TBL1X: variants seen among roughly 807,000 people sequenced by gnomAD.
TBL1X encodes F-box-like/WD repeat-containing protein TBL1X.
Under a neutral mutation model 50.7 loss-of-function variants are expected in TBL1X, and 10 were observed. The ratio of observed to expected loss-of-function variants is 0.20; its 90% confidence interval spans 0.12 to 0.33. TBL1X has a LOEUF of 0.33. Among genes scored for constraint, TBL1X ranks in the 10% least tolerant of loss-of-function variants. The probability of loss-of-function intolerance (pLI) is 1.00; values close to 1 mark genes in which losing one functional copy is unlikely to be tolerated. For missense variants in TBL1X, 340 were observed against 504.4 expected, an observed-to-expected ratio of 0.67 and a Z score of 3.12; for synonymous variants, 190 against 214.7, an observed-to-expected ratio of 0.88 and a Z score of 1.01.
At chrX:9,510,229 C>T (rs1295241235) in intron 2 of TBL1X, among the ~76,000 whole-genome samples, 2 of 111,512 alleles carry the variant, frequency 1.8e-5, no homozygotes, top group Non-Finnish European at 3.8e-5. Context: ...CCCTAAATGT[C>T]TACAGTGCCA....
At chrX:9,712,981 C>G (rs925971738) in intron 16 of TBL1X, among the ~76,000 whole-genome samples, 2 of 111,495 alleles carry the variant, frequency 1.8e-5, no homozygotes, top group African/African-American at 3.3e-5. Context: ...CCCCTTTCAT[C>G]TGCACTGCCT....
At chrX:9,606,770 A>G (rs1265201835) in intron 2 of TBL1X, among the ~76,000 whole-genome samples, 1 of 112,285 alleles carries the variant, frequency 8.9e-6, no homozygotes, top group African/African-American at 3.2e-5. Flanking sequence ...CCCTGCAATC[A>G]AATGCAAACA....
At position 9,520,182 on chromosome X, in the gene TBL1X, A is replaced by G. The variant is rs1329377686; in HGVS notation, c.-131+18333A>G. On this transcript the variant is annotated intron_variant, in intron 2 of 17. Transcript: ENST00000645353. ...GCACCTTCCTTTTATGTAGCCACAAACTGGAATATGTGCATGGAAAACCCA... is the reference window on the plus strand; with the variant it reads ...GCACCTTCCTTTTATGTAGCCACAAGCTGGAATATGTGCATGGAAAACCCA... 2.7e-5 allele frequency among the ~76,000 whole-genome samples: 3 copies of G among 112,059 alleles called. No individual in the cohort carries two copies. The Admixed American group carries it at 2.8e-4, about 11-fold the overall frequency.
intron 2 of TBL1X, among the ~76,000 whole-genome samples, chrX:9,510,105 A>G (rs1601723401): frequency 9.1e-6 from 1 of 110,175 alleles, no homozygotes; most frequent in East Asian, 2.9e-4. Flanking sequence ...CAACATCTAG[A>G]GTTTGGTTGT....
intron 12 of TBL1X, among the ~76,000 whole-genome samples, chrX:9,702,829 G>A (rs1410934609): frequency 9.0e-6 from 1 of 111,510 alleles, no homozygotes; most frequent in Non-Finnish European, 1.9e-5. Flanking sequence ...TCTTGGCTGG[G>A]CACACTTGTA....
intron 5 of TBL1X, among the ~76,000 whole-genome samples, chrX:9,677,453 G>C (rs1287292206): frequency 9.1e-6 from 1 of 109,541 alleles, no homozygotes; most frequent in African/African-American, 3.3e-5. Context: ...AACAACCAAA[G>C]TTGTTTACCT....
chrX:9,585,340 T>TCCCCCCC (rs397840236), intron 2 of TBL1X, among the ~76,000 whole-genome samples: 161 of 57,925 alleles, frequency 2.8e-3, no homozygotes, highest in Middle Eastern at 0.012. Flanking sequence ...CCCCCTCCCC[T>TCCCCCCC]CCCCCCCCCG....
chrX:9,712,640 A>G (rs895722165), intron 16 of TBL1X, among the ~76,000 whole-genome samples: 14 of 112,113 alleles, frequency 1.2e-4, no homozygotes, highest in South Asian at 7.4e-4. Flanking sequence ...CCTAGCCTCA[A>G]TTTTTCAAAT....
At chrX:9,484,495 T>C (rs951459019) in intron 1 of TBL1X, among the ~76,000 whole-genome samples, 1 of 111,434 alleles carries the variant, frequency 9.0e-6, no homozygotes, top group Non-Finnish European at 1.9e-5. Flanking sequence ...CAATTTATAT[T>C]ACTGAAATCA....
At chrX:9,614,183 A>C (rs2082628436) in intron 2 of TBL1X, among the ~76,000 whole-genome samples, 1 of 110,914 alleles carries the variant, frequency 9.0e-6, no homozygotes, top group South Asian at 3.8e-4. Context: ...CAAACACTCA[A>C]GTGAGTCAAT....
At chrX:9,516,476 C>G (rs1381218087) in intron 2 of TBL1X, among the ~76,000 whole-genome samples, 2 of 112,304 alleles carry the variant, frequency 1.8e-5, no homozygotes, top group African/African-American at 6.5e-5. Flanking sequence ...GAGAGAGCCA[C>G]AGGCACACTG....
At chrX:9,623,801 G>A (rs2082679217) in intron 2 of TBL1X, among the ~76,000 whole-genome samples, 1 of 112,237 alleles carries the variant, frequency 8.9e-6, no homozygotes, top group Non-Finnish European at 1.9e-5. Flanking sequence ...TTTTCCAAGG[G>A]TCTGAGTAGG....
intron 7 of TBL1X, among the ~76,000 whole-genome samples, chrX:9,689,012 A>ATGTGTGCG (rs200552551): frequency 3.5e-5 from 4 of 112,826 alleles, no homozygotes; most frequent in South Asian, 3.5e-4. Context: ...GTGTGCGTGT[A>ATGTGTGCG]TGTGTGCGTG....
chrX:9,597,380 T>C (rs1358125128), intron 2 of TBL1X, among the ~76,000 whole-genome samples: 1 of 111,823 alleles, frequency 8.9e-6, no homozygotes, highest in Non-Finnish European at 1.9e-5. Flanking sequence ...AGTGGTCTGT[T>C]TCAGAAGACT....
At chrX:9,547,555 A>C (rs2082250947) in intron 2 of TBL1X, among the ~76,000 whole-genome samples, 1 of 109,538 alleles carries the variant, frequency 9.1e-6, no homozygotes, top group African/African-American at 3.3e-5. Flanking sequence ...CTTGACCTCA[A>C]GTTCTCCACC....
At chrX:9,538,627 A>G (rs1270022337) in intron 2 of TBL1X, among the ~76,000 whole-genome samples, 1 of 111,981 alleles carries the variant, frequency 8.9e-6, no homozygotes, top group African/African-American at 3.3e-5. Context: ...CGCTTGTAAA[A>G]CTGCTATCCC....
At position 9,598,962 on chromosome X, in the gene TBL1X, T is replaced by G. The variant is rs191641303; in HGVS notation, c.-130-41311T>G. 8.4e-3 allele frequency among the ~76,000 whole-genome samples: 913 copies of G among 109,200 alleles called. 11 individuals carry two copies. The highest frequency in any genetic ancestry group is 0.05 in the South Asian group (122 of 2,458). 94.8% of individuals were successfully genotyped at this position (109,200 alleles called of 115,157 possible). On this transcript the variant is annotated intron_variant, in intron 2 of 17. Transcript: ENST00000645353. ...TTGTTTTGTTTTTTGTTTTTTTTTT[T>G]AGACGGAGTCTCCCTCTGTCGCCCA... is the stretch of plus-strand genomic sequence containing the variant.
chrX:9,561,578 A>G (rs2082325148), intron 2 of TBL1X, among the ~76,000 whole-genome samples: 1 of 112,161 alleles, frequency 8.9e-6, no homozygotes, highest in African/African-American at 3.2e-5. Context: ...ATACAGGTGA[A>G]GCTGCTGATA....
Position 9,693,336 on chromosome X carries a change from A to G in TBL1X, c.970A>G (p.Thr324Ala). The G allele has an allele frequency of 8.3e-7, 1 of 1,211,141 alleles. No individual in the cohort carries two copies. Among genetic ancestry groups the G allele is most frequent in the Non-Finnish European group, 1.1e-6 (1 of 895,110 alleles). ...IWTEDGNLASTLGQHKGPIFA... is the reference protein window; with the variant it reads ...IWTEDGNLASALGQHKGPIFA... ...TTTACTAACAGGTAACCTGGCCAGC[A>G]CCTTAGGCCAACATAAAGGCCCCAT... Residue 324 changes from threonine (T) to alanine (A), a missense_variant, in exon 11 of 18, where the codon ACC (threonine) becomes GCC (alanine). By Grantham distance (58) the Thr-to-Ala change is moderately conservative. Transcript: ENST00000645353.
Sources: gnomAD v4.1 joint callset for allele counts (sites outside exome capture counted in the v4.1 genomes callset) on GRCh38, gnomAD v4.1.1 for gene constraint, MANE v1.5 for transcripts, NCBI Gene and HGNC (gene_info 2026-07-23, HGNC 2026-07-21) for gene names.